Variants in CNTLN observed in about 807,000 individuals in gnomAD.
CNTLN encodes centlein.
Under a neutral mutation model 180.0 loss-of-function variants are expected in CNTLN, and 212 were observed. The ratio of observed to expected loss-of-function variants is 1.18; its 90% CI spans 1.05 to 1.32. CNTLN has a LOEUF of 1.32. Among genes scored for constraint, CNTLN ranks in the 40% most tolerant of loss-of-function variants. The pLI is 0.00. For missense variants in CNTLN, 2,095 were observed against 1,610.9 expected (o/e 1.30, Z -5.14); for synonymous variants, 722 against 563.1 (o/e 1.28, Z -3.99).
intron 18 of CNTLN, among the ~76,000 whole-genome samples, chr9:17,426,067 T>C (rs1829064075): frequency 6.6e-6 from 1 of 152,170 alleles, no homozygotes; most frequent in Non-Finnish European, 1.5e-5. Context: ...AGGGACCTAA[T>C]CCTTCTTAGC....
chr9:17,356,169 AATCAAGAGTTGTGTAAGTTTTTCTT>A (rs1284863993), intron 12 of CNTLN, among the ~76,000 whole-genome samples: 1 of 152,126 alleles, frequency 6.6e-6, no homozygotes, highest in Non-Finnish European at 1.5e-5. Flanking sequence ...ATAATAGTTT[AATCAAGAGTTGTGTAAGTTTTTCTT>A]ATCAGGATCT....
intron 6 of CNTLN, among the ~76,000 whole-genome samples, chr9:17,275,656 G>C (rs1397883730): frequency 6.6e-6 from 1 of 152,040 alleles, no homozygotes; most frequent in Non-Finnish European, 1.5e-5. Context: ...TTAAGGACAT[G>C]GGATATAACA....
In CNTLN at chr9:17,266,921, C is replaced by T. The variant is rs1350970851; in HGVS notation, c.850-6812C>T. Reference sequence around the variant, plus strand: ...TCTTTCTCCATCCCTTTATTTTGAGCCTATGTGTGTCTCTGCACATGAGAT... The same window carrying T: ...TCTTTCTCCATCCCTTTATTTTGAGTCTATGTGTGTCTCTGCACATGAGAT... On this transcript the variant is annotated intron_variant, in intron 5 of 25. Transcript: ENST00000380647. Among the ~76,000 whole-genome samples the T allele has an allele frequency of 3.3e-5, 5 of 152,144 alleles. No homozygotes were observed. In the East Asian group the frequency reaches 5.8e-4, roughly 18 times the overall value.
At chr9:17,515,582 C>A in the CNTLN span, among the ~76,000 whole-genome samples, 3 of 152,224 alleles carry the variant, frequency 2.0e-5, no homozygotes, top group Non-Finnish European at 4.4e-5. Context: ...AAGTGGCAAC[C>A]CTAAACTTCC....
intron 18 of CNTLN, among the ~76,000 whole-genome samples, chr9:17,421,830 A>T (rs920390472): frequency 2.0e-5 from 3 of 152,208 alleles, no homozygotes; most frequent in Non-Finnish European, 1.5e-5. Context: ...TTATAAAAAC[A>T]ATAGACAAGC....
intron 18 of CNTLN, among the ~76,000 whole-genome samples, chr9:17,416,632 G>C (rs1828276795): frequency 6.6e-6 from 1 of 152,122 alleles, no homozygotes; most frequent in African/African-American, 2.4e-5. Context: ...AAAATGTGAA[G>C]ATTTTAATGT....
chr9:17,286,778 G>T (rs1178441928), intron 6 of CNTLN, among the ~76,000 whole-genome samples: 39 of 112,754 alleles, frequency 3.5e-4, no homozygotes, highest in South Asian at 7.7e-4. Context: ...GTTGTGAATG[G>T]GAGTTCACTC....
At chr9:17,419,182 T>G (rs1456558304) in intron 18 of CNTLN, among the ~76,000 whole-genome samples, 1 of 152,154 alleles carries the variant, frequency 6.6e-6, no homozygotes, top group Non-Finnish European at 1.5e-5. Flanking sequence ...TAGATAGTAT[T>G]TTACAACTAT....
At chr9:17,187,444 G>A (rs951689977) in intron 2 of CNTLN, among the ~76,000 whole-genome samples, 1 of 151,972 alleles carries the variant, frequency 6.6e-6, no homozygotes, top group African/African-American at 2.4e-5. Context: ...ATAAGAACAA[G>A]TAGTAATGGG....
At chr9:17,325,556 T>TAG (rs1554689538) in intron 8 of CNTLN, among the ~76,000 whole-genome samples, 1 of 147,536 alleles carries the variant, frequency 6.8e-6, no homozygotes, top group Non-Finnish European at 1.5e-5. Context: ...CAGATTTTAT[T>TAG]ACACACACAC....
intron 12 of CNTLN, among the ~76,000 whole-genome samples, chr9:17,364,023 C>G (rs1311032197): frequency 1.3e-5 from 2 of 152,068 alleles, no homozygotes; most frequent in African/African-American, 4.8e-5. Context: ...TCTTCTCAAT[C>G]TGGTTCATTT....
At chr9:17,409,933 G>A (rs1827711925) in intron 16 of CNTLN, among the ~76,000 whole-genome samples, 1 of 151,902 alleles carries the variant, frequency 6.6e-6, no homozygotes, top group Non-Finnish European at 1.5e-5. Context: ...ATACATCATG[G>A]CACCAAATGT....
intron 10 of CNTLN, among the ~76,000 whole-genome samples, chr9:17,339,894 C>T (rs1821342862): frequency 6.6e-6 from 1 of 152,084 alleles, no homozygotes; most frequent in Non-Finnish European, 1.5e-5. Context: ...TGGCTTATGC[C>T]TGTAATTCCA....
In CNTLN at chr9:17,451,435, G is replaced by A. The variant is rs1021666549; in HGVS notation, c.3115-6089G>A. Among the ~76,000 whole-genome samples the A allele has an allele frequency of 3.3e-5, 5 of 152,192 alleles. No individual in the cohort carries two copies. In the South Asian group the frequency reaches 1.0e-3, roughly 31 times the overall value. ...AATAGTCTTAAGTCAGTCCTAAGCA[G>A]AATTTAAGATGAGAGATTTTGGAGA... On this transcript the variant is annotated intron_variant, in intron 18 of 25. Transcript: ENST00000380647.
intron 5 of CNTLN, among the ~76,000 whole-genome samples, chr9:17,247,897 C>T (rs1477755941): frequency 6.9e-6 from 1 of 144,202 alleles, no homozygotes; most frequent in Admixed American, 7.2e-5. Flanking sequence ...GGTGGGATGA[C>T]TCAGCTCACT....
chr9:17,174,963 T>C (rs934694246), intron 2 of CNTLN, among the ~76,000 whole-genome samples: 1 of 152,216 alleles, frequency 6.6e-6, no homozygotes, highest in African/African-American at 2.4e-5. Flanking sequence ...GATGAGGACA[T>C]GTCTTTTGCC....
At chr9:17,149,534 T>A (rs1365678433) in intron 2 of CNTLN, among the ~76,000 whole-genome samples, 1 of 147,954 alleles carries the variant, frequency 6.8e-6, no homozygotes, top group Non-Finnish European at 1.5e-5. Context: ...TTTTTTTTTT[T>A]AGAGACTGGG....
intron 18 of CNTLN, among the ~76,000 whole-genome samples, chr9:17,439,762 C>T (rs1225615547): frequency 6.6e-6 from 1 of 152,166 alleles, no homozygotes; most frequent in Non-Finnish European, 1.5e-5. Context: ...TACATTAGTT[C>T]ATGAGGGCGG....
chr9:17,396,396 T>C (rs1826528206), intron 15 of CNTLN, among the ~76,000 whole-genome samples: 2 of 152,024 alleles, frequency 1.3e-5, no homozygotes, highest in African/African-American at 4.8e-5. Flanking sequence ...ACACCTCTTT[T>C]TTACATCTAG....
Sources: gnomAD v4.1 joint callset for allele counts (sites outside exome capture counted in the v4.1 genomes callset) on GRCh38, gnomAD v4.1.1 for gene constraint, MANE v1.5 for transcripts, NCBI Gene and HGNC (gene_info 2026-07-23, HGNC 2026-07-21) for gene names.